ADGRB3: variants seen among roughly 807,000 people sequenced by gnomAD.
ADGRB3 encodes the protein brain-specific angiogenesis inhibitor 3.
Under a neutral mutation model 193.4 loss-of-function variants are expected in ADGRB3, and 37 were observed. The observed-to-expected ratio is 0.19, with a 90% CI of 0.15 to 0.25. ADGRB3 has a LOEUF of 0.25. ADGRB3 is among the 10% of genes least tolerant of loss of function. ADGRB3 has a pLI of 1.00. For missense variants in ADGRB3, 1,637 were observed against 1,852.9 expected (o/e 0.88, Z 2.14); for synonymous variants, 690 against 644.2 (o/e 1.07, Z -1.08).
chr6:68,694,387 A>G (rs1561996755), intron 3 of ADGRB3, among the ~76,000 whole-genome samples: 1 of 151,988 alleles, frequency 6.6e-6, no homozygotes, highest in African/African-American at 2.4e-5. Flanking sequence ...AACCTAACTT[A>G]AGTGAATTTT....
At chr6:69,032,120 T>G (rs906641373) in intron 13 of ADGRB3, among the ~76,000 whole-genome samples, 4 of 152,180 alleles carry the variant, frequency 2.6e-5, no homozygotes, top group Non-Finnish European at 5.9e-5. Flanking sequence ...AAAGACTGTT[T>G]GGGAAACTAG....
At chr6:68,663,928 G>A (rs961493491) in intron 3 of ADGRB3, among the ~76,000 whole-genome samples, 8 of 151,760 alleles carry the variant, frequency 5.3e-5, no homozygotes, top group African/African-American at 1.9e-4. Context: ...TAAAACATCT[G>A]CAGTGTGGTA....
intron 20 of ADGRB3, among the ~76,000 whole-genome samples, chr6:69,270,680 C>G (rs1767154529): frequency 1.3e-5 from 2 of 152,096 alleles, no homozygotes; most frequent in South Asian, 4.1e-4. Flanking sequence ...CGATTTGTAC[C>G]TTAAGCCATA....
chr6:69,336,405 A>G (rs1468234761), intron 24 of ADGRB3, among the ~76,000 whole-genome samples: 1 of 139,094 alleles, frequency 7.2e-6, no homozygotes, highest in Non-Finnish European at 1.5e-5. Flanking sequence ...TACAAATTTC[A>G]TGTGATTTTT....
intron 17 of ADGRB3, among the ~76,000 whole-genome samples, chr6:69,180,928 C>T (rs542448191): frequency 2.6e-5 from 4 of 152,258 alleles, no homozygotes; most frequent in African/African-American, 9.6e-5. Flanking sequence ...GGGAAAATCC[C>T]AGCAGCTTTT....
At chr6:69,122,178 C>T (rs945013900) in intron 17 of ADGRB3, among the ~76,000 whole-genome samples, 32 of 151,814 alleles carry the variant, frequency 2.1e-4, no homozygotes, top group African/African-American at 2.2e-4. Context: ...ATTGGGTGGG[C>T]GAGACTCCGT....
chr6:68,764,584 A>T (rs1243862233), intron 3 of ADGRB3, among the ~76,000 whole-genome samples: 2 of 152,214 alleles, frequency 1.3e-5, no homozygotes, highest in Admixed American at 1.3e-4. Flanking sequence ...CAGCACCAGT[A>T]AAAGAAAATA....
intron 17 of ADGRB3, among the ~76,000 whole-genome samples, chr6:69,182,973 A>G (rs866689453): frequency 6.6e-6 from 1 of 152,130 alleles, no homozygotes; most frequent in African/African-American, 2.4e-5. Context: ...ACCTTTCCTC[A>G]TAAAATTGAA....
At chr6:68,792,906 C>T (rs746375332) in intron 3 of ADGRB3, among the ~76,000 whole-genome samples, 1 of 152,146 alleles carries the variant, frequency 6.6e-6, no homozygotes, top group Non-Finnish European at 1.5e-5. Context: ...AAGTTAACCC[C>T]TGGTCATACA....
intron 10 of ADGRB3, among the ~76,000 whole-genome samples, chr6:68,993,302 C>T (rs1209519932): frequency 2.6e-5 from 4 of 151,996 alleles, no homozygotes; most frequent in Admixed American, 2.6e-4. Context: ...ACTTTCTTTG[C>T]TGCTCTATAG....
chr6:68,882,943 G>A (rs1478158955), intron 3 of ADGRB3, among the ~76,000 whole-genome samples: 1 of 151,928 alleles, frequency 6.6e-6, no homozygotes, highest in East Asian at 1.9e-4. Flanking sequence ...GCCCAGGCTG[G>A]AGTGCAGTGG....
intron 3 of ADGRB3, among the ~76,000 whole-genome samples, chr6:68,707,540 C>T (rs1363119349): frequency 6.6e-6 from 1 of 152,040 alleles, no homozygotes; most frequent in African/African-American, 2.4e-5. Flanking sequence ...TTACATTTAA[C>T]ATAATTGACA....
chr6:69,103,258 A>C (rs1773115442), intron 17 of ADGRB3, among the ~76,000 whole-genome samples: 1 of 152,230 alleles, frequency 6.6e-6, no homozygotes, highest in Middle Eastern at 3.2e-3. Flanking sequence ...GTTCAGTTGA[A>C]ATAAATGGGT....
intron 20 of ADGRB3, among the ~76,000 whole-genome samples, chr6:69,316,100 T>C (rs533671827): frequency 3.3e-5 from 5 of 151,322 alleles, no homozygotes; most frequent in Non-Finnish European, 7.4e-5. Flanking sequence ...ACTTACAAGA[T>C]GTGTATCTAA....
chr6:69,166,180 C>G (rs1775128659), intron 17 of ADGRB3, among the ~76,000 whole-genome samples: 1 of 152,052 alleles, frequency 6.6e-6, no homozygotes, highest in Admixed American at 6.6e-5. Context: ...GCTTTCTATG[C>G]AATCTCAATA....
chr6:69,035,972 T>C (rs1298521), intron 13 of ADGRB3, among the ~76,000 whole-genome samples: 43,846 of 152,014 alleles, frequency 0.29, 8,366 homozygotes, highest in East Asian at 0.89. Context: ...AGTTAAGCTT[T>C]GGATACATCA....
At chr6:68,713,368 T>C (rs1367186218) in intron 3 of ADGRB3, among the ~76,000 whole-genome samples, 1 of 151,792 alleles carries the variant, frequency 6.6e-6, no homozygotes, top group African/African-American at 2.4e-5. Flanking sequence ...TTTTCTGATT[T>C]CCTGGAGTTG....
intron 3 of ADGRB3, among the ~76,000 whole-genome samples, chr6:68,660,625 A>G (rs1357475968): frequency 1.3e-5 from 2 of 151,138 alleles, no homozygotes; most frequent in Non-Finnish European, 1.5e-5. Flanking sequence ...TAATAGAATG[A>G]CAATAAAGAT....
intron 17 of ADGRB3, chr6:69,233,014 G>T (rs918534031): frequency 5.4e-5 from 25 of 458,722 alleles, no homozygotes; most frequent in African/African-American, 4.4e-4. Flanking sequence ...GCTGTTCCTC[G>T]CATAGGGCTG....
Sources: gnomAD v4.1 joint callset for allele counts (sites outside exome capture counted in the v4.1 genomes callset) on GRCh38, gnomAD v4.1.1 for gene constraint, MANE v1.5 for transcripts, NCBI Gene and HGNC (gene_info 2026-07-23, HGNC 2026-07-21) for gene names.